The following STK32B variants were observed in gnomAD, a reference collection of about 807,000 sequenced individuals.
STK32B encodes the protein serine/threonine-protein kinase 32B.
STK32B carries 43 observed loss-of-function variants against 52.6 expected under a neutral mutation model. The observed-to-expected ratio is 0.82, with a 90% CI of 0.64 to 1.05. STK32B has a LOEUF of 1.05. Ranked by LOEUF, STK32B falls within the 50% of genes least tolerant of loss-of-function variation. The pLI, the probability that STK32B is intolerant of heterozygous loss-of-function variation, is 0.00. For missense variants in STK32B, 621 were observed against 534.6 expected (o/e 1.16, Z -1.59); for synonymous variants, 238 against 204.3 (o/e 1.17, Z -1.41).
rs1737186251 is a variant in STK32B at position 5,399,990 on chromosome 4, G to A, written c.472+1746G>A. On this transcript the variant is annotated intron_variant, in intron 5 of 11. Coordinates refer to ENST00000282908, the MANE Select transcript of STK32B (RefSeq NM_018401.3). The surrounding 1 kb of genome is among the most constrained non-coding windows in gnomAD (Gnocchi z 5.4). ...GCTGGGTTCCAGGCAGCATCCTCAA[G>A]GCTCTGTCCTATTAAGAGAGACCGC... Among the ~76,000 whole-genome samples, 1 of 152,180 alleles carries A rather than the reference G, an allele frequency of 6.6e-6. No homozygotes were observed. Among genetic ancestry groups the A allele is most frequent in the Non-Finnish European group, 1.5e-5 (1 of 68,030 alleles).
intron 7 of STK32B, 139 bp downstream of exon 7, chr4:5,446,915 G>C: frequency 1.4e-6 from 1 of 731,268 alleles, no homozygotes; most frequent in Non-Finnish European, 2.3e-6. Context: ...TTTCAGTCCT[G>C]ATGCCTGTGT....
At chr4:5,354,647 C>T (rs1734059597) in intron 4 of STK32B, among the ~76,000 whole-genome samples, 1 of 152,154 alleles carries the variant, frequency 6.6e-6, no homozygotes, top group Non-Finnish European at 1.5e-5. Context: ...TTCAAAGTAG[C>T]TAGGAGCTTG....
intron 3 of STK32B, among the ~76,000 whole-genome samples, chr4:5,319,990 G>T (rs952260299): frequency 1.3e-5 from 2 of 152,166 alleles, no homozygotes; most frequent in African/African-American, 4.8e-5. Flanking sequence ...CTGCAAGGGA[G>T]TCTGTGAAAT....
chr4:5,034,443 A>G, the STK32B span, among the ~76,000 whole-genome samples: 107 of 152,210 alleles, frequency 7.0e-4, no homozygotes, highest in African/African-American at 2.4e-3. Context: ...AAAATATTCT[A>G]TGCGCTCCCC....
chr4:5,159,730 T>TATATATATGAATATATATGA lies in STK32B; in HGVS notation c.109-8553_109-8552insATGAATATATATGAATATAT, dbSNP rs1400608266. ...GAATATATATATGAATGTATATGAA[T>TATATATATGAATATATATGA]ATATATATGAATATATGAATGTATA... On this transcript the variant is annotated intron_variant, in intron 2 of 11. Coordinates refer to ENST00000282908, the MANE Select transcript of STK32B (RefSeq NM_018401.3). Among the ~76,000 whole-genome samples, 6 of 105,746 alleles carry TATATATATGAATATATATGA rather than the reference T, an allele frequency of 5.7e-5. 2 individuals are homozygous for TATATATATGAATATATATGA. The highest frequency in any genetic ancestry group is 4.6e-4 in the African/African-American group (6 of 12,992). The allele number at this position is 105,746 out of a possible 152,430, so 69.4% of individuals were successfully genotyped here. A position where few individuals can be genotyped will look rare whatever the true frequency, so the allele number is the denominator to read the frequency against.
chr4:5,459,198 A>G (rs998659927), intron 8 of STK32B, among the ~76,000 whole-genome samples: 1 of 151,942 alleles, frequency 6.6e-6, no homozygotes, highest in African/African-American at 2.4e-5. Flanking sequence ...CTCAATGGGC[A>G]TAGGTGGGAG....
intron 3 of STK32B, among the ~76,000 whole-genome samples, chr4:5,177,438 G>C (rs73210302): frequency 5.9e-5 from 9 of 152,146 alleles, no homozygotes; most frequent in Admixed American, 2.0e-4. Context: ...TACAGTTCAC[G>C]ATGCGACTTG....
At chr4:5,157,249 T>TCACGGATC (rs1277927466) in intron 2 of STK32B, among the ~76,000 whole-genome samples, 1 of 150,454 alleles carries the variant, frequency 6.6e-6, no homozygotes, top group Non-Finnish European at 1.5e-5. Context: ...CAGTTAATGT[T>TCACGGATC]CACGGATCAC....
chr4:5,070,431 G>A (rs1014653935), intron 1 of STK32B, among the ~76,000 whole-genome samples: 35 of 152,128 alleles, frequency 2.3e-4, no homozygotes, highest in Admixed American at 1.7e-3. Flanking sequence ...GTGAGCCCCC[G>A]TCCTTTAGAA....
At chr4:5,485,403 G>A (rs553454780) in intron 11 of STK32B, among the ~76,000 whole-genome samples, 36 of 152,002 alleles carry the variant, frequency 2.4e-4, no homozygotes, top group African/African-American at 6.3e-4. Flanking sequence ...TTGTGCATTC[G>A]TCATGTAGTT....
intron 1 of STK32B, among the ~76,000 whole-genome samples, chr4:5,099,599 T>C (rs1003432581): frequency 3.3e-5 from 5 of 152,056 alleles, no homozygotes; most frequent in Admixed American, 2.6e-4. Context: ...AGACAGAATC[T>C]TTGTGATGGA....
intron 3 of STK32B, among the ~76,000 whole-genome samples, chr4:5,309,163 A>G (rs1327268315): frequency 2.0e-5 from 3 of 152,170 alleles, no homozygotes; most frequent in African/African-American, 7.2e-5. Flanking sequence ...ACAAAATAAT[A>G]CATATAAATA....
intron 3 of STK32B, among the ~76,000 whole-genome samples, chr4:5,297,849 G>T (rs1201594922): frequency 6.6e-6 from 1 of 152,088 alleles, no homozygotes; most frequent in Admixed American, 6.5e-5. Flanking sequence ...GATGCTTTGG[G>T]AGAGAAGAGG....
chr4:5,076,821 G>A (rs1712099281), intron 1 of STK32B, among the ~76,000 whole-genome samples: 1 of 152,134 alleles, frequency 6.6e-6, no homozygotes, highest in South Asian at 2.1e-4. Context: ...GATATCATAG[G>A]ATCCTTGGAC....
intron 11 of STK32B, among the ~76,000 whole-genome samples, chr4:5,488,727 C>A (rs1265201972): frequency 6.6e-6 from 1 of 152,108 alleles, no homozygotes; most frequent in Non-Finnish European, 1.5e-5. Context: ...AGTCTCTTTT[C>A]TTTGCAACCT....
chr4:5,103,694 A>G (rs1269406095), intron 1 of STK32B, among the ~76,000 whole-genome samples: 3 of 152,168 alleles, frequency 2.0e-5, no homozygotes, highest in Non-Finnish European at 4.4e-5. Context: ...GAAGATATTA[A>G]CAAATTACTC....
At chr4:5,368,783 C>T (rs11937184) in intron 4 of STK32B, among the ~76,000 whole-genome samples, 3,786 of 152,316 alleles carry the variant, frequency 0.025, 160 homozygotes, top group African/African-American at 0.084. Context: ...TGCTGGTGTC[C>T]TCTTGCCTGG....
At chr4:5,269,508 T>C (rs755988573) in intron 3 of STK32B, among the ~76,000 whole-genome samples, 3 of 152,132 alleles carry the variant, frequency 2.0e-5, no homozygotes, top group Non-Finnish European at 4.4e-5. Context: ...AGCAAGGCAG[T>C]GTGAGGCATT....
intron 11 of STK32B, among the ~76,000 whole-genome samples, chr4:5,484,524 G>C (rs1484646834): frequency 6.6e-6 from 1 of 152,132 alleles, no homozygotes; most frequent in Non-Finnish European, 1.5e-5. Flanking sequence ...CACACGGATA[G>C]GTCTTGACTC....
Sources: allele counts gnomAD v4.1 joint callset (sites outside exome capture counted in the v4.1 genomes callset), GRCh38; gene constraint gnomAD v4.1.1; non-coding constraint Gnocchi (gnomAD v3.1); transcripts MANE v1.5; gene names NCBI Gene and HGNC (gene_info 2026-07-23, HGNC 2026-07-21).